Variants in FPR1 observed in about 807,000 individuals in gnomAD.
The protein encoded by FPR1 is N-formyl peptide receptor 1.
For missense variants in FPR1, 407 were observed against 453.0 expected, an observed-to-expected ratio of 0.90 and a Z score of 0.92; for synonymous variants, 193 against 176.7, an observed-to-expected ratio of 1.09 and a Z score of -0.73.
intron 1 of FPR1, among the ~76,000 whole-genome samples, chr19:51,749,908 C>T (rs1184157711): frequency 6.6e-6 from 1 of 152,088 alleles, no homozygotes; most frequent in African/African-American, 2.4e-5. Context: ...TGAGCTCAGG[C>T]AGTCCACCTG....
intron 1 of FPR1, 106 bp from the exon 2 acceptor site, chr19:51,747,111 C>T: frequency 1.3e-6 from 1 of 799,282 alleles, no homozygotes; most frequent in East Asian, 2.7e-5. Context: ...GCTTTCTCAC[C>T]TTCCCCTAGA....
intron 1 of FPR1, chr19:51,750,748 G>C (rs923590498): frequency 6.6e-6 from 1 of 152,172 alleles, no homozygotes; most frequent in Non-Finnish European, 1.5e-5. Flanking sequence ...GGCTGCCATC[G>C]ATGAAGGACT....
At chr19:51,745,594 T>C (rs2083737487), downstream of FPR1, 1 of 237,938 alleles carries the variant, frequency 4.2e-6, no homozygotes, top group Non-Finnish European at 8.3e-6. Context: ...AAGTGGACAC[T>C]ACTCATCATG....
chr19:51,746,585 C>A lies in FPR1; in HGVS notation c.410G>T (p.Arg137Leu), dbSNP rs745998725. Reference protein sequence around the residue: ...VLHPVWTQNHRTVSLAKKVII... With the variant: ...VLHPVWTQNHLTVSLAKKVII... ...CACCTTCTTGGCCAGGCTCACGGTG[C>A]GGTGGTTCTGGGTCCAGACTGGATG... The change falls in exon 2 of 2, where the codon CGC (arginine) becomes CTC (leucine). Residue 137 changes from arginine to leucine, a missense_variant. By Grantham distance (102) the Arg-to-Leu change is moderately radical. Transcript: ENST00000304748. This position sits in a 1 kb window ranked among gnomAD's most constrained non-coding sequence, Gnocchi z 4.3. 6.2e-7 allele frequency: 1 copy of A among 1,614,156 alleles called. No individual in the cohort carries two copies. Among genetic ancestry groups the A allele is most frequent in the Non-Finnish European group, 8.5e-7 (1 of 1,180,026 alleles).
At chr19:51,748,239 A>T (rs1396921331) in intron 1 of FPR1, among the ~76,000 whole-genome samples, 2 of 152,214 alleles carry the variant, frequency 1.3e-5, no homozygotes, top group East Asian at 3.8e-4. Flanking sequence ...ATTTTGTATG[A>T]TTCCACTTGT....
intron 1 of FPR1, among the ~76,000 whole-genome samples, chr19:51,749,748 G>A (rs906554488): frequency 2.0e-5 from 3 of 151,754 alleles, no homozygotes; most frequent in Admixed American, 2.0e-4. Context: ...TGCAACCTCC[G>A]CCTCCCAGGT....
At chr19:51,751,374 T>C (rs903790567) in intron 1 of FPR1, among the ~76,000 whole-genome samples, 2 of 152,088 alleles carry the variant, frequency 1.3e-5, no homozygotes, top group African/African-American at 4.8e-5. Context: ...AGCCTATTTG[T>C]TTATTTATTT....
At chr19:51,749,644 TTTTAATTTATTTTA>T (rs921507348) in intron 1 of FPR1, among the ~76,000 whole-genome samples, 1 of 152,164 alleles carries the variant, frequency 6.6e-6, no homozygotes, top group Admixed American at 6.5e-5. Flanking sequence ...TCTCTCTTTT[TTTTAATTTATTTTA>T]TTTTATTTAT....
At chr19:51,747,048 C>A in intron 1 of FPR1, 43 bp from the exon 2 acceptor site, 1 of 1,377,528 alleles carries the variant, frequency 7.3e-7, no homozygotes, top group Non-Finnish European at 9.9e-7. Flanking sequence ...TATGAACCTC[C>A]GTACCATTTC....
chr19:51,748,985 G>A (rs577933377), intron 1 of FPR1, among the ~76,000 whole-genome samples: 19 of 152,094 alleles, frequency 1.2e-4, no homozygotes, highest in Non-Finnish European at 2.5e-4. Context: ...GGGAGGCCGA[G>A]GCGGGTGGAT....
At chr19:51,745,659 G>A (rs184980191), downstream of FPR1, 2 of 370,134 alleles carry the variant, frequency 5.4e-6, no homozygotes, top group Admixed American at 8.4e-5. Flanking sequence ...AATAATAATG[G>A]GTATTATTTG....
intron 1 of FPR1, among the ~76,000 whole-genome samples, chr19:51,749,264 C>A (rs193171945): frequency 6.6e-6 from 1 of 152,084 alleles, no homozygotes; most frequent in African/African-American, 2.4e-5. Context: ...TCTGCTCGCT[C>A]TCTCTCTTTA....
chr19:51,748,145 C>A (rs1383331051), intron 1 of FPR1, among the ~76,000 whole-genome samples: 1 of 151,708 alleles, frequency 6.6e-6, no homozygotes, highest in Non-Finnish European at 1.5e-5. Context: ...CAAAGCAAGA[C>A]CCTGTCTCTA....
chr19:51,748,842 G>A (rs2083763548), intron 1 of FPR1, among the ~76,000 whole-genome samples: 1 of 152,178 alleles, frequency 6.6e-6, no homozygotes, highest in African/African-American at 2.4e-5. Context: ...ATCAGTGGGC[G>A]ACAGCTTCAG....
rs759752803 is a variant in FPR1 at position 51,746,118 on chromosome 19, TGAA to T, written c.874_876del (p.Phe292del). The T allele has an allele frequency of 2.5e-6, 4 of 1,614,180 alleles. No individual in the cohort carries two copies. Among genetic ancestry groups the T allele is most frequent in the South Asian group, 1.1e-5 (1 of 91,080 alleles). The stretch of plus-strand genomic sequence containing the variant: ...TAGAGCATGGGGTTGAGGCAGCTGT[TGAA>T]GAAGGCCAGGGCACTTGTCACATCC... On this transcript the variant is annotated inframe_deletion, in exon 2 of 2. Coordinates refer to ENST00000304748, the MANE Select transcript of FPR1 (RefSeq NM_002029.4). The surrounding 1 kb of genome is among the most constrained non-coding windows in gnomAD (Gnocchi z 4.3).
At chr19:51,745,375 C>T (rs549141503), downstream of FPR1, 6 of 152,922 alleles carry the variant, frequency 3.9e-5, no homozygotes, top group African/African-American at 1.4e-4. Flanking sequence ...AGGCTGTTCT[C>T]GAATTCCTGA....
chr19:51,749,371 C>A (rs1489884571), intron 1 of FPR1, among the ~76,000 whole-genome samples: 2 of 152,120 alleles, frequency 1.3e-5, no homozygotes. Flanking sequence ...GTGAGTGATA[C>A]TAAACGACGT....
At chr19:51,747,110 C>T in intron 1 of FPR1, 105 bp from the exon 2 acceptor site, 2 of 812,822 alleles carry the variant, frequency 2.5e-6, no homozygotes, top group Non-Finnish European at 3.9e-6. Flanking sequence ...AGCTTTCTCA[C>T]CTTCCCCTAG....
rs778269740 is a variant in FPR1, at chr19:51,746,656, G to T, written c.339C>A (p.Val113=). The change falls in exon 2 of 2, where the codon GTC becomes GTA. Residue 113 remains valine (V), a synonymous_variant. Coordinates refer to ENST00000304748, the MANE Select transcript of FPR1 (RefSeq NM_002029.4). The surrounding 1 kb of genome is among the most constrained non-coding windows in gnomAD (Gnocchi z 4.3). The part of the protein sequence containing the change: ...TIVDINLFGS[V]FLIALIALDR... ...CCAGAGCAATGAGGGCGATCAGGAAGACACTTCCGAACAAGTTGATGTCCA... is the reference window on the plus strand; with the variant it reads ...CCAGAGCAATGAGGGCGATCAGGAATACACTTCCGAACAAGTTGATGTCCA... The T allele has an allele frequency of 5.6e-6, 9 of 1,614,050 alleles. No homozygotes were observed. The South Asian group carries it at 9.9e-5, about 18-fold the overall frequency.
Sources: gnomAD v4.1 joint callset for allele counts (sites outside exome capture counted in the v4.1 genomes callset) on GRCh38, gnomAD v4.1.1 for gene constraint, Gnocchi (gnomAD v3.1) non-coding constraint, MANE v1.5 for transcripts, NCBI Gene and HGNC (gene_info 2026-07-23, HGNC 2026-07-21) for gene names.